Variants in TCF20 observed in about 807,000 individuals in gnomAD.
TCF20 encodes SPRE-binding protein.
A neutral mutation model predicts 148.6 loss-of-function variants in TCF20; 3 were observed. The ratio of observed to expected loss-of-function variants is 0.02; its 90% CI spans 0.01 to 0.05. The LOEUF (loss-of-function observed/expected upper bound fraction) is 0.05, where lower values mean the gene tolerates loss of function less well. TCF20 is among the 10% of genes least tolerant of loss of function. The pLI, the probability that TCF20 is intolerant of heterozygous loss-of-function variation, is 1.00. For synonymous variants in TCF20, 1,049 were observed against 909.5 expected (o/e 1.15, Z -2.76); for missense variants, 2,350 against 2,429.3 (o/e 0.97, Z 0.69).
At chr22:42,253,704 G>T (rs779941589) in intron 1 of TCF20, among the ~76,000 whole-genome samples, 2 of 152,090 alleles carry the variant, frequency 1.3e-5, no homozygotes, top group Non-Finnish European at 2.9e-5. Context: ...TTGAAAAGCT[G>T]AACAAAATAA....
At chr22:42,192,893 T>C (rs17002869) in intron 2 of TCF20, among the ~76,000 whole-genome samples, 53 of 152,308 alleles carry the variant, frequency 3.5e-4, no homozygotes, top group Middle Eastern at 6.8e-3. Flanking sequence ...GTTTTCAGAA[T>C]TGATTTTTGC....
rs575027177 is a variant in TCF20 at position 42,199,304 on chromosome 22, T to C, written c.5655+10347A>G. On this transcript the variant is annotated intron_variant, in intron 2 of 5. Coordinates refer to ENST00000677622, the MANE Select transcript of TCF20 (RefSeq NM_001378418.1). ...TTTTCTTTTCTTCTGCCTTTTCCCA[T>C]GTTTCTTGCTCCTTCCTATGGGCAG... Among the ~76,000 whole-genome samples, 140 of 152,298 alleles carry C rather than the reference T, an allele frequency of 9.2e-4. 1 individual carries two copies. The highest frequency in any genetic ancestry group is 2.8e-3 in the African/African-American group (118 of 41,562).
At position 42,210,812 on chromosome 22, in the gene TCF20, A is replaced by G. The variant is rs199509431; in HGVS notation, c.4494T>C (p.Pro1498=). The stretch of plus-strand genomic sequence containing the variant: ...CCTCAGGGGCCAATATGCCCACTGG[A>G]GGTACATTCTTTGAGTCTGGAAAGA... ...PLIFPDSKNV[P]PVGILAPEAN... Residue 1498 remains proline, a synonymous_variant, in exon 2 of 6, where the codon CCT becomes CCC. Coordinates refer to ENST00000677622, the MANE Select transcript of TCF20 (RefSeq NM_001378418.1). This position sits in a 1 kb window ranked among gnomAD's most constrained non-coding sequence, Gnocchi z 4.7. The G allele has an allele frequency of 1.9e-5, 30 of 1,614,088 alleles. No homozygotes were observed. The East Asian group carries it at 6.2e-4, about 34-fold the overall frequency.
chr22:42,336,338 C>A (rs888719500), intron 1 of TCF20, among the ~76,000 whole-genome samples: 12 of 152,106 alleles, frequency 7.9e-5, no homozygotes, highest in Admixed American at 7.9e-4. Context: ...TGGGCCTCGG[C>A]TCCCGCCCCC....
At chr22:42,220,488 C>A (rs940527551) in intron 1 of TCF20, among the ~76,000 whole-genome samples, 1 of 152,160 alleles carries the variant, frequency 6.6e-6, no homozygotes, top group Non-Finnish European at 1.5e-5. Context: ...TTGTGCCTGG[C>A]CCCAGCTAAT....
At chr22:42,201,662 G>A (rs900295237) in intron 2 of TCF20, among the ~76,000 whole-genome samples, 1 of 152,106 alleles carries the variant, frequency 6.6e-6, no homozygotes. Context: ...CAGCTACTCA[G>A]GAGGCTGAGG....
intron 2 of TCF20, among the ~76,000 whole-genome samples, chr22:42,202,472 C>G (rs1221443674): frequency 2.0e-5 from 3 of 152,234 alleles, no homozygotes; most frequent in Non-Finnish European, 2.9e-5. Flanking sequence ...AAGGAAACAA[C>G]AAGTCCTGGA....
rs759429852 is a variant in TCF20, at chr22:42,210,291, G to A, written c.5015C>T (p.Pro1672Leu). ...CTTGCTTTCAGTGCTGCTAGGTGGA[G>A]GGGTCAGTGACCTCTGACCCTTCCT... ...RGRKGQRSLT[P>L]PPSSTESKAL... is the part of the protein sequence containing the mutation. Residue 1672 changes from proline to leucine, a missense_variant, in exon 2 of 6, where the codon CCT becomes CTT. By Grantham distance (98) the Pro-to-Leu change is moderately conservative (BLOSUM62 -3). Coordinates refer to ENST00000677622, the MANE Select transcript of TCF20 (RefSeq NM_001378418.1). The surrounding 1 kb of genome is among the most constrained non-coding windows in gnomAD (Gnocchi z 4.7). 7 of 1,614,168 alleles carry A rather than the reference G, an allele frequency of 4.3e-6. No individual in the cohort carries two copies. Among genetic ancestry groups the A allele is most frequent in the Non-Finnish European group, 5.9e-6 (7 of 1,180,032 alleles).
intron 1 of TCF20, among the ~76,000 whole-genome samples, chr22:42,243,480 T>C (rs1174334040): frequency 6.6e-6 from 1 of 151,680 alleles, no homozygotes; most frequent in East Asian, 1.9e-4. Flanking sequence ...TGGGTGCCTG[T>C]AATCCCAGCT....
chr22:42,224,674 A>C (rs557254752), intron 1 of TCF20, among the ~76,000 whole-genome samples: 1 of 152,206 alleles, frequency 6.6e-6, no homozygotes, highest in South Asian at 2.1e-4. Flanking sequence ...TAGAAGAAAA[A>C]ACTGGCAACA....
At position 42,320,591 on chromosome 22, in the gene TCF20, T is replaced by C. The variant is rs373809799; in HGVS notation, c.-37+22888A>G. Among the ~76,000 whole-genome samples the C allele has an allele frequency of 4.6e-5, 7 of 152,338 alleles. No individual in the cohort carries two copies. In the South Asian group the frequency reaches 8.3e-4, roughly 18 times the overall value. The stretch of plus-strand genomic sequence containing the variant: ...CCCTAGCACTTCATCTCCAGGAGAA[T>C]AGAACAAAGTCAGTTGCATTCCTGC... On this transcript the variant is annotated intron_variant, in intron 1 of 1. Transcript: ENST00000515426.
chr22:42,230,897 G>A (rs1043382618), intron 1 of TCF20, among the ~76,000 whole-genome samples: 2 of 151,996 alleles, frequency 1.3e-5, no homozygotes, highest in African/African-American at 2.4e-5. Context: ...GGTGGCTCAC[G>A]TCTGTAATCC....
chr22:42,260,468 G>A (rs1251766610), intron 1 of TCF20, among the ~76,000 whole-genome samples: 2 of 152,112 alleles, frequency 1.3e-5, no homozygotes, highest in Non-Finnish European at 2.9e-5. Context: ...AGGAAAAACA[G>A]GAAACTAATA....
At chr22:42,223,675 T>C (rs74475220) in intron 1 of TCF20, among the ~76,000 whole-genome samples, 19 of 152,336 alleles carry the variant, frequency 1.2e-4, no homozygotes, top group African/African-American at 3.8e-4. Context: ...ATCTGTGACA[T>C]TGGGAAGCAT....
At chr22:42,295,496 T>G (rs1412915858) in intron 1 of TCF20, among the ~76,000 whole-genome samples, 2 of 148,632 alleles carry the variant, frequency 1.3e-5, no homozygotes, top group Non-Finnish European at 3.0e-5. Flanking sequence ...CGGGCTGGAG[T>G]GCAATGGCAC....
At chr22:42,218,170 T>C (rs1601610670) in intron 1 of TCF20, among the ~76,000 whole-genome samples, 1 of 152,138 alleles carries the variant, frequency 6.6e-6, no homozygotes, top group African/African-American at 2.4e-5. Flanking sequence ...CTTTTACAGA[T>C]GAGGAAACAG....
chr22:42,233,054 G>A (rs1022170797), intron 1 of TCF20, among the ~76,000 whole-genome samples: 1 of 152,046 alleles, frequency 6.6e-6, no homozygotes, highest in Non-Finnish European at 1.5e-5. Flanking sequence ...CCAAGTAGCT[G>A]AGATTACAGG....
Position 42,210,003 on chromosome 22 carries a change from T to A in TCF20, c.5303A>T (p.Glu1768Val). The part of the protein sequence containing the change: ...NGSKTDTEEE[E>V]EQQQQQKEQR... ...CTCCTTCTGCTGCTGCTGCTGCTCTTCCTCCTCCTCAGTGTCCGTCTTGGA... is the reference window on the plus strand; with the variant it reads ...CTCCTTCTGCTGCTGCTGCTGCTCTACCTCCTCCTCAGTGTCCGTCTTGGA... Residue 1768 changes from glutamate (E) to valine (V), a missense_variant, in exon 2 of 6, where the codon GAA becomes GTA. Coordinates refer to ENST00000677622, the MANE Select transcript of TCF20 (RefSeq NM_001378418.1). This position sits in a 1 kb window ranked among gnomAD's most constrained non-coding sequence, Gnocchi z 4.7. 6.2e-7 allele frequency: 1 copy of A among 1,612,930 alleles called. No homozygotes were observed. Among genetic ancestry groups the A allele is most frequent in the Non-Finnish European group, 8.5e-7 (1 of 1,180,028 alleles).
At chr22:42,245,007 T>C (rs1924786532) in intron 1 of TCF20, among the ~76,000 whole-genome samples, 1 of 151,822 alleles carries the variant, frequency 6.6e-6, no homozygotes, top group Non-Finnish European at 1.5e-5. Context: ...TGCTTCAGCC[T>C]GGGAGGCGGA....
Sources: allele counts gnomAD v4.1 joint callset (sites outside exome capture counted in the v4.1 genomes callset), GRCh38; gene constraint gnomAD v4.1.1; non-coding constraint Gnocchi (gnomAD v3.1); transcripts MANE v1.5; gene names NCBI Gene and HGNC (gene_info 2026-07-23, HGNC 2026-07-21).